Variants in TMEM132D observed in about 807,000 individuals in gnomAD.
TMEM132D encodes mature OL transmembrane protein.
In TMEM132D, 21 loss-of-function variants were observed where a neutral mutation model predicts 62.3. That is an observed-to-expected ratio of 0.34 (90% CI 0.24 to 0.49). TMEM132D has a LOEUF of 0.49. Ranked by LOEUF, TMEM132D falls within the 20% of genes least tolerant of loss-of-function variation. TMEM132D has a pLI of 0.99. For missense variants in TMEM132D, 1,346 were observed against 1,402.8 expected, an observed-to-expected ratio of 0.96 and a Z score of 0.65; for synonymous variants, 621 against 575.6, an observed-to-expected ratio of 1.08 and a Z score of -1.13.
chr12:129,759,310 A>G (rs973417739), intron 1 of TMEM132D, among the ~76,000 whole-genome samples: 3 of 152,162 alleles, frequency 2.0e-5, no homozygotes, highest in Non-Finnish European at 4.4e-5. Context: ...TAAGAAAAAC[A>G]ATGTGTTAGG....
chr12:129,794,143 C>T (rs1462167233), intron 1 of TMEM132D, among the ~76,000 whole-genome samples: 5 of 149,834 alleles, frequency 3.3e-5, no homozygotes, highest in Admixed American at 6.7e-5. Flanking sequence ...GGCTGGAGTG[C>T]GGTGGTGCAA....
At chr12:129,800,843 G>A (rs1218804739) in intron 1 of TMEM132D, among the ~76,000 whole-genome samples, 2 of 152,162 alleles carry the variant, frequency 1.3e-5, no homozygotes, top group African/African-American at 4.8e-5. Flanking sequence ...AGTGGGCACA[G>A]CTCAGTGGGT....
intron 4 of TMEM132D, among the ~76,000 whole-genome samples, chr12:129,224,441 A>T (rs1879428663): frequency 6.6e-6 from 1 of 152,224 alleles, no homozygotes; most frequent in East Asian, 1.9e-4. Flanking sequence ...GAATGCAAAA[A>T]TTCTTGATTT....
intron 5 of TMEM132D, among the ~76,000 whole-genome samples, chr12:129,106,052 T>A (rs1248097935): frequency 4.0e-5 from 6 of 150,804 alleles, no homozygotes; most frequent in Admixed American, 2.0e-4. Flanking sequence ...ATTAAGAAAA[T>A]GTGGCACATA....
chr12:129,675,953 A>G (rs1180858664), intron 2 of TMEM132D, among the ~76,000 whole-genome samples: 1 of 152,218 alleles, frequency 6.6e-6, no homozygotes, highest in Non-Finnish European at 1.5e-5. Flanking sequence ...CTCTTAACAC[A>G]CAGAGAATCT....
chr12:129,523,331 C>T (rs1010893014), intron 3 of TMEM132D, among the ~76,000 whole-genome samples: 6 of 152,092 alleles, frequency 3.9e-5, no homozygotes, highest in Admixed American at 6.6e-5. Context: ...AATCACAAAC[C>T]GACAGCAACC....
At chr12:129,513,436 A>G (rs1374039944) in intron 3 of TMEM132D, among the ~76,000 whole-genome samples, 2 of 151,124 alleles carry the variant, frequency 1.3e-5, no homozygotes, top group Non-Finnish European at 3.0e-5. Flanking sequence ...TTTTTAATTG[A>G]CCTGGAAAGA....
At chr12:129,737,379 T>A (rs1353839251) in intron 1 of TMEM132D, among the ~76,000 whole-genome samples, 1 of 152,208 alleles carries the variant, frequency 6.6e-6, no homozygotes, top group Non-Finnish European at 1.5e-5. Flanking sequence ...GTTTCCTAAT[T>A]AGTTGACAAG....
At chr12:129,582,623 C>CTTT (rs11446843) in intron 2 of TMEM132D, among the ~76,000 whole-genome samples, 8 of 146,218 alleles carry the variant, frequency 5.5e-5, no homozygotes, top group Admixed American at 3.4e-4. Flanking sequence ...TTCTTTCTTT[C>CTTT]TTTTTTTTTT....
intron 3 of TMEM132D, among the ~76,000 whole-genome samples, chr12:129,350,049 C>G (rs1472925906): frequency 6.6e-6 from 1 of 152,172 alleles, no homozygotes; most frequent in Non-Finnish European, 1.5e-5. Context: ...TTACCTGTAG[C>G]CTTATTACGG....
At chr12:129,764,357 TA>T (rs1870482110) in intron 1 of TMEM132D, among the ~76,000 whole-genome samples, 1 of 152,142 alleles carries the variant, frequency 6.6e-6, no homozygotes, top group Non-Finnish European at 1.5e-5. Context: ...ATGACAATAT[TA>T]TAGTAGGGTT....
chr12:129,145,462 T>C (rs184497960), intron 5 of TMEM132D, among the ~76,000 whole-genome samples: 4 of 152,266 alleles, frequency 2.6e-5, no homozygotes, highest in Admixed American at 2.0e-4. Flanking sequence ...CACGGACTTC[T>C]GTCAGATGTG....
intron 5 of TMEM132D, among the ~76,000 whole-genome samples, chr12:129,141,794 T>C (rs1290811019): frequency 6.6e-6 from 1 of 151,844 alleles, no homozygotes; most frequent in Admixed American, 6.6e-5. Context: ...GGAGCAAAGT[T>C]TGAAAAACTA....
chr12:129,641,595 C>A (rs542574581), intron 2 of TMEM132D, among the ~76,000 whole-genome samples: 4 of 152,156 alleles, frequency 2.6e-5, no homozygotes, highest in Non-Finnish European at 4.4e-5. Context: ...TCCAGAGACC[C>A]AACAGAAAAT....
chr12:129,082,323 G>T (rs1874481502), intron 6 of TMEM132D, among the ~76,000 whole-genome samples: 1 of 152,162 alleles, frequency 6.6e-6, no homozygotes, highest in South Asian at 2.1e-4. Context: ...GTGTGGGCTG[G>T]ACCTAGTTTC....
At chr12:129,726,769 T>A (rs1312886928) in intron 1 of TMEM132D, among the ~76,000 whole-genome samples, 4 of 152,086 alleles carry the variant, frequency 2.6e-5, no homozygotes, top group African/African-American at 7.2e-5. Flanking sequence ...CTGGGGGTGA[T>A]AAGTCACCAA....
intron 3 of TMEM132D, among the ~76,000 whole-genome samples, chr12:129,452,636 A>G (rs190799887): frequency 1.2e-4 from 18 of 152,280 alleles, no homozygotes; most frequent in South Asian, 8.3e-4. Context: ...TTCTTTTTCT[A>G]AAACCTTTGT....
At chr12:129,760,999 A>T (rs1158863594) in intron 1 of TMEM132D, among the ~76,000 whole-genome samples, 1 of 152,018 alleles carries the variant, frequency 6.6e-6, no homozygotes, top group Non-Finnish European at 1.5e-5. Flanking sequence ...CTGTTTCTTT[A>T]TAAGTTCTAC....
At chr12:129,719,917 G>A (rs1868757822) in intron 1 of TMEM132D, among the ~76,000 whole-genome samples, 1 of 152,110 alleles carries the variant, frequency 6.6e-6, no homozygotes, top group African/African-American at 2.4e-5. Flanking sequence ...CTATTTAACG[G>A]CTGGAATTTG....
Sources: allele counts gnomAD v4.1 joint callset (sites outside exome capture counted in the v4.1 genomes callset), GRCh38; gene constraint gnomAD v4.1.1; transcripts MANE v1.5; gene names NCBI Gene and HGNC (gene_info 2026-07-23, HGNC 2026-07-21).